NPAS3: variants seen among roughly 807,000 people sequenced by gnomAD.
The protein encoded by NPAS3 is neuronal PAS domain protein 3.
NPAS3 carries 14 observed loss-of-function variants against 73.1 expected under a neutral mutation model. The ratio of observed to expected loss-of-function variants is 0.19; its 90% CI spans 0.13 to 0.30. The LOEUF (loss-of-function observed/expected upper bound fraction) is 0.30, where lower values mean the gene tolerates loss of function less well. Ranked by LOEUF, NPAS3 falls within the 10% of genes least tolerant of loss-of-function variation. The probability of loss-of-function intolerance (pLI) is 1.00; values close to 1 mark genes in which losing one functional copy is unlikely to be tolerated. For missense variants in NPAS3, 1,096 were observed against 1,250.0 expected, an observed-to-expected ratio of 0.88 and a Z score of 1.86; for synonymous variants, 620 against 541.5, an observed-to-expected ratio of 1.14 and a Z score of -2.01.
chr14:32,961,031 G>T (rs1406605596), intron 1 of NPAS3, among the ~76,000 whole-genome samples: 1 of 152,144 alleles, frequency 6.6e-6, no homozygotes, highest in Non-Finnish European at 1.5e-5. Flanking sequence ...AAAATATTTT[G>T]TGACTATTTC....
chr14:33,543,995 A>ATC (rs1406294495), intron 4 of NPAS3, among the ~76,000 whole-genome samples: 15 of 121,448 alleles, frequency 1.2e-4, no homozygotes, highest in Admixed American at 2.5e-4. Context: ...ATATATATAT[A>ATC]TATATATCTA....
chr14:33,264,785 C>T (rs1031986420), intron 3 of NPAS3, among the ~76,000 whole-genome samples: 7 of 152,136 alleles, frequency 4.6e-5, no homozygotes, highest in Non-Finnish European at 8.8e-5. Flanking sequence ...CCATCAGGCC[C>T]AGTGGCAGCC....
intron 3 of NPAS3, among the ~76,000 whole-genome samples, chr14:33,356,566 CATTT>C (rs2045346607): frequency 2.0e-5 from 3 of 152,304 alleles, no homozygotes; most frequent in East Asian, 1.9e-4. Flanking sequence ...TGCATTCATT[CATTT>C]GAGTATTCAT....
chr14:33,296,466 G>T (rs2140131982), intron 3 of NPAS3, among the ~76,000 whole-genome samples: 1 of 152,210 alleles, frequency 6.6e-6, no homozygotes, highest in East Asian at 1.9e-4. Context: ...TTCTTTTCTG[G>T]TGTTAATTCA....
chr14:33,327,306 C>T (rs534361688), intron 3 of NPAS3, among the ~76,000 whole-genome samples: 4 of 152,294 alleles, frequency 2.6e-5, no homozygotes, highest in East Asian at 1.9e-4. Flanking sequence ...GTTGTATGTA[C>T]GTGATCTTAT....
At chr14:33,423,776 G>C (rs2048448128) in intron 4 of NPAS3, among the ~76,000 whole-genome samples, 1 of 151,974 alleles carries the variant, frequency 6.6e-6, no homozygotes, top group African/African-American at 2.4e-5. Flanking sequence ...AGGGTACTAT[G>C]GAAGTTTATA....
intron 3 of NPAS3, among the ~76,000 whole-genome samples, chr14:33,356,854 C>G (rs1210119077): frequency 6.6e-6 from 1 of 152,148 alleles, no homozygotes; most frequent in Non-Finnish European, 1.5e-5. Flanking sequence ...TGAACTCAGC[C>G]TTGAGTCTAA....
At chr14:33,361,058 A>G (rs2045578115) in intron 3 of NPAS3, among the ~76,000 whole-genome samples, 1 of 152,200 alleles carries the variant, frequency 6.6e-6, no homozygotes, top group African/African-American at 2.4e-5. Context: ...TGAGGGACAT[A>G]CAGTATTCTT....
At chr14:33,188,684 T>C (rs1001269077) in intron 2 of NPAS3, among the ~76,000 whole-genome samples, 3 of 152,216 alleles carry the variant, frequency 2.0e-5, no homozygotes, top group Non-Finnish European at 4.4e-5. Flanking sequence ...GGACTTAGTA[T>C]TGTTACAGGA....
intron 3 of NPAS3, among the ~76,000 whole-genome samples, chr14:33,298,663 T>C (rs1174823559): frequency 6.6e-6 from 1 of 152,258 alleles, no homozygotes; most frequent in Non-Finnish European, 1.5e-5. Flanking sequence ...GTATCTACTA[T>C]GCACAGAGAT....
intron 3 of NPAS3, among the ~76,000 whole-genome samples, chr14:33,258,670 G>A (rs138953175): frequency 0.016 from 2,497 of 152,280 alleles, 29 homozygotes; most frequent in Middle Eastern, 0.048. Flanking sequence ...GATCACAAGG[G>A]CATGTTGACT....
chr14:33,559,373 T>C (rs2055523216), intron 4 of NPAS3, among the ~76,000 whole-genome samples: 1 of 152,226 alleles, frequency 6.6e-6, no homozygotes, highest in Admixed American at 6.5e-5. Context: ...ATTAGCAAAT[T>C]GTTGATGTTC....
In NPAS3 at chr14:33,567,383, T is replaced by C. The variant is rs547448482; in HGVS notation, c.558+7173T>C. On this transcript the variant is annotated intron_variant, in intron 5 of 11. Transcript: ENST00000356141. ...AGAAAGTAGGATTTATAACAGCATT[T>C]TAATTTAATGTTGGATGTCGAACAT... Among the ~76,000 whole-genome samples the C allele has an allele frequency of 2.6e-5, 4 of 152,354 alleles. No homozygotes were observed. In the South Asian group the frequency reaches 8.3e-4, roughly 32 times the overall value.
At chr14:32,960,477 C>T (rs948389050) in intron 1 of NPAS3, among the ~76,000 whole-genome samples, 1 of 152,136 alleles carries the variant, frequency 6.6e-6, no homozygotes, top group Non-Finnish European at 1.5e-5. Flanking sequence ...GAGAGCGTCT[C>T]TGACAAATTA....
intron 4 of NPAS3, among the ~76,000 whole-genome samples, chr14:33,444,720 A>G (rs2049408509): frequency 6.6e-6 from 1 of 152,210 alleles, no homozygotes; most frequent in Non-Finnish European, 1.5e-5. Context: ...TGCTTTATAT[A>G]TTTATATCTT....
At chr14:32,953,504 A>C (rs986273114) in intron 1 of NPAS3, among the ~76,000 whole-genome samples, 1 of 152,128 alleles carries the variant, frequency 6.6e-6, no homozygotes, top group African/African-American at 2.4e-5. Flanking sequence ...CAGGAAATCC[A>C]ATAATCTACT....
intron 3 of NPAS3, among the ~76,000 whole-genome samples, chr14:33,237,743 T>C (rs936844572): frequency 6.6e-6 from 1 of 152,002 alleles, no homozygotes; most frequent in Non-Finnish European, 1.5e-5. Context: ...TTTTTCTATG[T>C]TGAAATGTTA....
At chr14:33,382,911 C>A (rs1160913499) in intron 4 of NPAS3, among the ~76,000 whole-genome samples, 2 of 151,836 alleles carry the variant, frequency 1.3e-5, no homozygotes, top group Non-Finnish European at 2.9e-5. Context: ...GGCAACCTGG[C>A]AATACCTCAT....
At chr14:33,360,430 G>A (rs1411419026) in intron 3 of NPAS3, among the ~76,000 whole-genome samples, 1 of 152,134 alleles carries the variant, frequency 6.6e-6, no homozygotes, top group Non-Finnish European at 1.5e-5. Context: ...TTAATTTTGG[G>A]TATGATCTAA....
Sources: gnomAD v4.1 joint callset for allele counts (sites outside exome capture counted in the v4.1 genomes callset) on GRCh38, gnomAD v4.1.1 for gene constraint, MANE v1.5 for transcripts, NCBI Gene and HGNC (gene_info 2026-07-23, HGNC 2026-07-21) for gene names.